The following CEP83 variants were observed in gnomAD, a reference collection of about 807,000 sequenced individuals.
The protein encoded by CEP83 is centrosomal protein 83, also known as centrosomal protein of 83 kDa.
Under a neutral mutation model 101.9 loss-of-function variants are expected in CEP83, and 70 were observed. The ratio of observed to expected loss-of-function variants is 0.69; its 90% CI spans 0.57 to 0.84. The LOEUF (loss-of-function observed/expected upper bound fraction) is 0.84, where lower values mean the gene tolerates loss of function less well. CEP83 is among the 40% of genes least tolerant of loss of function. CEP83 has a pLI of 0.00. For synonymous variants in CEP83, 264 were observed against 267.9 expected (o/e 0.99, Z 0.14); for missense variants, 715 against 787.2 (o/e 0.91, Z 1.10).
chr12:94,337,746 G>A (rs997950538), intron 11 of CEP83, among the ~76,000 whole-genome samples: 1 of 152,102 alleles, frequency 6.6e-6, no homozygotes, highest in Non-Finnish European at 1.5e-5. Flanking sequence ...ATAAGAGTCC[G>A]AGATAGAGAA....
chr12:94,316,931 T>C (rs2136329693), intron 14 of CEP83, among the ~76,000 whole-genome samples: 1 of 152,290 alleles, frequency 6.6e-6, no homozygotes, highest in African/African-American at 2.4e-5. Context: ...CCTTTGAGTA[T>C]ATTTACCCAG....
intron 11 of CEP83, among the ~76,000 whole-genome samples, chr12:94,358,612 G>A (rs894067524): frequency 1.2e-4 from 19 of 152,144 alleles, no homozygotes; most frequent in South Asian, 4.1e-4. Flanking sequence ...TCCAATTTTC[G>A]TAATTAAGAA....
intron 4 of CEP83, among the ~76,000 whole-genome samples, chr12:94,405,361 T>C (rs1469219960): frequency 6.6e-6 from 1 of 152,218 alleles, no homozygotes; most frequent in Non-Finnish European, 1.5e-5. Flanking sequence ...TATAGAGATA[T>C]ATACTCAATT....
chr12:94,299,714 C>T, the CEP83 span, among the ~76,000 whole-genome samples: 10 of 152,138 alleles, frequency 6.6e-5, no homozygotes, highest in Admixed American at 2.6e-4. Flanking sequence ...AGCATGCCAC[C>T]GCACTCAGCT....
chr12:94,305,778 G>GTTCT (rs1316313890), downstream of CEP83: 2 of 152,938 alleles, frequency 1.3e-5, no homozygotes, highest in Non-Finnish European at 2.9e-5. Flanking sequence ...TTCCCCAGTA[G>GTTCT]TTCTTGGAAA....
At chr12:94,392,802 C>T (rs144896659) in intron 6 of CEP83, among the ~76,000 whole-genome samples, 6 of 152,148 alleles carry the variant, frequency 3.9e-5, no homozygotes, top group Admixed American at 2.0e-4. Context: ...ATATCGCCAC[C>T]GATCCCACAG....
At chr12:94,432,025 C>T (rs944586167) in intron 2 of CEP83, among the ~76,000 whole-genome samples, 7 of 151,836 alleles carry the variant, frequency 4.6e-5, no homozygotes, top group African/African-American at 1.5e-4. Flanking sequence ...GATACAGAAT[C>T]GACATAAGTG....
At chr12:94,409,024 G>A (rs949834320) in intron 4 of CEP83, among the ~76,000 whole-genome samples, 1 of 151,656 alleles carries the variant, frequency 6.6e-6, no homozygotes, top group Admixed American at 6.6e-5. Context: ...CCAAAGAGAT[G>A]ACATTAAATC....
At chr12:94,351,746 G>A (rs772680054) in intron 11 of CEP83, among the ~76,000 whole-genome samples, 2 of 152,108 alleles carry the variant, frequency 1.3e-5, no homozygotes, top group Admixed American at 6.5e-5. Context: ...GACCAATGAT[G>A]GGCCCATATG....
At chr12:94,345,049 T>C (rs2059868205) in intron 11 of CEP83, among the ~76,000 whole-genome samples, 1 of 152,200 alleles carries the variant, frequency 6.6e-6, no homozygotes, top group African/African-American at 2.4e-5. Flanking sequence ...CAAAAAATGG[T>C]GCTGGAACAA....
chr12:94,315,003 G>A (rs1248353402), intron 14 of CEP83, among the ~76,000 whole-genome samples: 2 of 152,008 alleles, frequency 1.3e-5, no homozygotes, highest in African/African-American at 4.8e-5. Flanking sequence ...ACATTTTCCT[G>A]TTAATGAAAA....
intron 1 of CEP83, among the ~76,000 whole-genome samples, chr12:94,442,590 CAT>C (rs2066493071): frequency 6.6e-6 from 1 of 152,024 alleles, no homozygotes; most frequent in African/African-American, 2.4e-5. Flanking sequence ...TCTGAAGACT[CAT>C]ATAAAGTAAA....
chr12:94,289,525 T>C, the CEP83 span, among the ~76,000 whole-genome samples: 1 of 152,246 alleles, frequency 6.6e-6, no homozygotes, highest in South Asian at 2.1e-4. Context: ...ATCCCTAAAG[T>C]AGGGGCCCAG....
chr12:94,310,563 C>T (rs1311464116), intron 15 of CEP83, among the ~76,000 whole-genome samples: 3 of 152,128 alleles, frequency 2.0e-5, no homozygotes, highest in Non-Finnish European at 4.4e-5. Context: ...CTGCAGTCAG[C>T]CCTGCAGAAC....
chr12:94,419,329 G>A (rs903930453), intron 2 of CEP83, among the ~76,000 whole-genome samples: 5 of 151,782 alleles, frequency 3.3e-5, no homozygotes, highest in Admixed American at 3.3e-4. Context: ...TTTATTATAG[G>A]AAAACTGTGG....
chr12:94,377,162 T>C (rs1031004651), intron 7 of CEP83, among the ~76,000 whole-genome samples: 1 of 152,182 alleles, frequency 6.6e-6, no homozygotes, highest in Non-Finnish European at 1.5e-5. Flanking sequence ...GATAAACCCA[T>C]CACAAATTGA....
intron 2 of CEP83, among the ~76,000 whole-genome samples, chr12:94,426,109 G>A (rs777352323): frequency 2.7e-4 from 40 of 148,864 alleles, no homozygotes; most frequent in East Asian, 5.9e-4. Flanking sequence ...GTGACAGAGC[G>A]AAACTCCGTC....
intron 11 of CEP83, among the ~76,000 whole-genome samples, chr12:94,340,030 T>C (rs1400846908): frequency 6.6e-6 from 1 of 152,220 alleles, no homozygotes; most frequent in Non-Finnish European, 1.5e-5. Flanking sequence ...GGTGGATATA[T>C]TAAATGATAG....
chr12:94,406,698 G>C (rs1184286949), intron 4 of CEP83, among the ~76,000 whole-genome samples: 1 of 152,162 alleles, frequency 6.6e-6, no homozygotes, highest in African/African-American at 2.4e-5. Flanking sequence ...GAGGCAGGCA[G>C]ATCACGAGCT....
Sources: gnomAD v4.1 joint callset for allele counts (sites outside exome capture counted in the v4.1 genomes callset) on GRCh38, gnomAD v4.1.1 for gene constraint, MANE v1.5 for transcripts, NCBI Gene and HGNC (gene_info 2026-07-23, HGNC 2026-07-21) for gene names.